Variants in GRIA4 observed in about 807,000 individuals in gnomAD.
GRIA4 encodes the protein glutamate ionotropic receptor AMPA type subunit 4, also known as glutamate receptor 4.
Under a neutral mutation model 104.0 loss-of-function variants are expected in GRIA4, and 34 were observed. The ratio of observed to expected loss-of-function variants is 0.33; its 90% CI spans 0.25 to 0.44. The LOEUF (loss-of-function observed/expected upper bound fraction) is 0.44, where lower values mean the gene tolerates loss of function less well. Ranked by LOEUF, GRIA4 falls within the 20% of genes least tolerant of loss-of-function variation. The pLI is 1.00. For missense variants in GRIA4, 750 were observed against 1,096.5 expected (o/e 0.68, Z 4.46); for synonymous variants, 386 against 381.9 (o/e 1.01, Z -0.13).
At chr11:105,945,681 A>G (rs111672236) in intron 14 of GRIA4, among the ~76,000 whole-genome samples, 118 of 152,358 alleles carry the variant, frequency 7.7e-4, no homozygotes, top group African/African-American at 2.8e-3. Flanking sequence ...CAAATGGTAT[A>G]GCAGGAAAAA....
chr11:105,865,938 T>G (rs1397637044), intron 5 of GRIA4, among the ~76,000 whole-genome samples: 5 of 152,232 alleles, frequency 3.3e-5, no homozygotes, highest in African/African-American at 1.2e-4. Flanking sequence ...TGTGTGTTCC[T>G]GTTAGTGAAA....
intron 4 of GRIA4, among the ~76,000 whole-genome samples, chr11:105,768,486 G>T (rs551126431): frequency 1.3e-5 from 2 of 152,152 alleles, no homozygotes; most frequent in Admixed American, 1.3e-4. Context: ...TCAAGTTTTG[G>T]AAGTCAAAGC....
chr11:105,780,622 AATT>A (rs942775770), intron 4 of GRIA4, among the ~76,000 whole-genome samples: 4 of 152,170 alleles, frequency 2.6e-5, no homozygotes, highest in Non-Finnish European at 4.4e-5. Flanking sequence ...TAAAGAAAAA[AATT>A]ATTATTGCTG....
intron 3 of GRIA4, among the ~76,000 whole-genome samples, chr11:105,676,931 T>C (rs1384380019): frequency 1.3e-5 from 2 of 151,820 alleles, no homozygotes; most frequent in Middle Eastern, 3.2e-3. Context: ...GAAGTTTTCA[T>C]GGAGATATTA....
intron 7 of GRIA4, among the ~76,000 whole-genome samples, chr11:105,903,111 T>A (rs1027824271): frequency 1.3e-5 from 2 of 152,176 alleles, no homozygotes; most frequent in African/African-American, 4.8e-5. Flanking sequence ...CCTTCACATC[T>A]CCACTTGGAT....
At chr11:105,925,984 C>T (rs1947691655) in intron 12 of GRIA4, among the ~76,000 whole-genome samples, 2 of 152,068 alleles carry the variant, frequency 1.3e-5, no homozygotes, top group African/African-American at 4.8e-5. Context: ...CACTCACACT[C>T]ACCCACACAT....
At chr11:105,781,727 A>T (rs945035574) in intron 4 of GRIA4, among the ~76,000 whole-genome samples, 1 of 152,142 alleles carries the variant, frequency 6.6e-6, no homozygotes, top group Non-Finnish European at 1.5e-5. Context: ...GGAGACACAA[A>T]AATATGCAGT....
At chr11:105,784,346 TC>T (rs1258457188) in intron 4 of GRIA4, among the ~76,000 whole-genome samples, 84 of 152,324 alleles carry the variant, frequency 5.5e-4, no homozygotes, top group African/African-American at 1.8e-3. Context: ...TTTCTGTAAA[TC>T]CCTCATCATT....
At chr11:105,857,700 C>G (rs1945057421) in intron 4 of GRIA4, among the ~76,000 whole-genome samples, 1 of 152,128 alleles carries the variant, frequency 6.6e-6, no homozygotes, top group African/African-American at 2.4e-5. Context: ...ATTAACCCTG[C>G]TCATGCTAAG....
intron 4 of GRIA4, among the ~76,000 whole-genome samples, chr11:105,855,436 T>A (rs1455424451): frequency 6.6e-6 from 1 of 152,068 alleles, no homozygotes. Context: ...CTTTATATAA[T>A]GTGATATAAA....
At chr11:105,809,432 T>C (rs1308014726) in intron 4 of GRIA4, among the ~76,000 whole-genome samples, 13 of 152,286 alleles carry the variant, frequency 8.5e-5, no homozygotes. Context: ...ATCTCCCTAT[T>C]GTGCTACTAA....
intron 14 of GRIA4, among the ~76,000 whole-genome samples, chr11:105,935,538 T>C (rs997707197): frequency 6.6e-6 from 1 of 152,202 alleles, no homozygotes; most frequent in Non-Finnish European, 1.5e-5. Flanking sequence ...TAAATCTCTG[T>C]TGAAGGCGTG....
rs535454707 is a variant in GRIA4 at position 105,694,675 on chromosome 11, A to G, written c.248-58306A>G. On this transcript the variant is annotated intron_variant, in intron 3 of 16. Coordinates refer to ENST00000282499, the MANE Select transcript of GRIA4 (RefSeq NM_000829.4). The stretch of plus-strand genomic sequence containing the variant: ...TCTATATTTAAAGTTCCTAAAGTTT[A>G]CTCTTGAAAAATTTGATTCATATAT... Among the ~76,000 whole-genome samples the G allele has an allele frequency of 5.9e-5, 9 of 152,164 alleles. No homozygotes were observed. The South Asian group carries it at 1.9e-3, about 32-fold the overall frequency.
intron 3 of GRIA4, chr11:105,706,385 T>C (rs1953700491): frequency 6.5e-6 from 1 of 153,044 alleles, no homozygotes; most frequent in Non-Finnish European, 1.5e-5. Context: ...ATGCCAATGA[T>C]ATAAAATTTG....
At chr11:105,787,311 G>T (rs1942012300) in intron 4 of GRIA4, among the ~76,000 whole-genome samples, 1 of 151,900 alleles carries the variant, frequency 6.6e-6, no homozygotes, top group Admixed American at 6.6e-5. Context: ...AGTACATAAG[G>T]CCCTACTGTT....
intron 5 of GRIA4, among the ~76,000 whole-genome samples, chr11:105,877,376 A>T (rs1173688855): frequency 1.3e-5 from 2 of 152,052 alleles, no homozygotes; most frequent in African/African-American, 4.8e-5. Flanking sequence ...GAATCTGACA[A>T]TTACGTGTCT....
chr11:105,861,382 G>A (rs1423905341), intron 4 of GRIA4, among the ~76,000 whole-genome samples: 16 of 151,920 alleles, frequency 1.1e-4, no homozygotes, highest in Non-Finnish European at 7.4e-5. Flanking sequence ...TGTTTATTTG[G>A]TCATCAGTCT....
intron 3 of GRIA4, among the ~76,000 whole-genome samples, chr11:105,712,966 A>G (rs1953964282): frequency 1.3e-5 from 2 of 152,300 alleles, no homozygotes; most frequent in South Asian, 2.1e-4. Flanking sequence ...CTTTTAATAC[A>G]TGATGAGATA....
intron 3 of GRIA4, among the ~76,000 whole-genome samples, chr11:105,689,335 C>T (rs905476003): frequency 1.3e-5 from 2 of 152,146 alleles, no homozygotes; most frequent in Admixed American, 6.5e-5. Flanking sequence ...CCCTCCTTTG[C>T]CTGTTCTCCG....
Sources: allele counts gnomAD v4.1 joint callset (sites outside exome capture counted in the v4.1 genomes callset), GRCh38; gene constraint gnomAD v4.1.1; transcripts MANE v1.5; gene names NCBI Gene and HGNC (gene_info 2026-07-23, HGNC 2026-07-21).